ECPAS: variants seen among roughly 807,000 people sequenced by gnomAD.
ECPAS encodes Ecm29 proteasome adaptor and scaffold.
In ECPAS, 70 loss-of-function variants were observed where a neutral mutation model predicts 255.1. The observed-to-expected ratio is 0.27, with a 90% CI of 0.23 to 0.33. The LOEUF (loss-of-function observed/expected upper bound fraction) is 0.33, where lower values mean the gene tolerates loss of function less well. ECPAS is among the 10% of genes least tolerant of loss of function. ECPAS has a pLI of 1.00. For synonymous variants in ECPAS, 784 were observed against 775.0 expected (o/e 1.01, Z -0.19); for missense variants, 1,817 against 2,206.4 (o/e 0.82, Z 3.54).
chr9:111,435,749 G>A (rs1200764389), intron 7 of ECPAS, among the ~76,000 whole-genome samples: 3 of 147,912 alleles, frequency 2.0e-5, no homozygotes, highest in Admixed American at 6.9e-5. Flanking sequence ...GCACGATCTC[G>A]GCGCACTGCA....
chr9:111,432,624 T>C (rs968700656), intron 8 of ECPAS, among the ~76,000 whole-genome samples: 1 of 152,132 alleles, frequency 6.6e-6, no homozygotes, highest in African/African-American at 2.4e-5. Flanking sequence ...AAAAAATAAA[T>C]ATATAAATAA....
At position 111,371,867 on chromosome 9, in the gene ECPAS, G is replaced by T. The variant is rs41279059; in HGVS notation, c.4529-38C>A. ...AATTAAAACAACTTTTAAGTGACAA[G>T]AAAAATTAACTGATTTTTCTAAACC... On this transcript the variant is annotated intron_variant, in intron 42 of 49. Coordinates refer to ENST00000684092, the MANE Select transcript of ECPAS (RefSeq NM_001364929.1). 5.3e-4 allele frequency: 821 copies of T among 1,538,350 alleles called. 1 individual carries two copies. The highest frequency in any genetic ancestry group is 6.7e-4 in the Non-Finnish European group (751 of 1,121,864).
At chr9:111,449,948 T>C (rs2098258106) in intron 3 of ECPAS, among the ~76,000 whole-genome samples, 1 of 152,208 alleles carries the variant, frequency 6.6e-6, no homozygotes, top group South Asian at 2.1e-4. Context: ...CCTCTTGGCC[T>C]GGCTACTTCC....
In ECPAS at chr9:111,430,554, G is replaced by A. The variant is rs771416889; in HGVS notation, c.923C>T (p.Thr308Ile). 23 of 1,584,726 alleles carry A rather than the reference G, an allele frequency of 1.5e-5. No homozygotes were observed. Among genetic ancestry groups the A allele is most frequent in the Non-Finnish European group, 1.9e-5 (22 of 1,159,024 alleles). The change falls in exon 9 of 50, where the codon ACA (threonine) becomes ATA (isoleucine). Residue 308 changes from threonine (T) to isoleucine (I), a missense_variant. Around this residue, in one of 4 missense-constraint regions of ECPAS, gnomAD observed 573 missense variants for 716.2 expected, o/e 0.80. Coordinates refer to ENST00000684092, the MANE Select transcript of ECPAS (RefSeq NM_001364929.1). Reference sequence around the variant, plus strand: ...TAAATCAAAACAACCTACCTCTTTTGTCTTCAGTGGTATATCTCCAAGGTA... The same window carrying A: ...TAAATCAAAACAACCTACCTCTTTTATCTTCAGTGGTATATCTCCAAGGTA... Reference protein sequence around the residue: ...KVYLGDIPLKTKEGAVLKPEL... With the variant: ...KVYLGDIPLKIKEGAVLKPEL...
chr9:111,472,531 G>T (rs984471474), intron 2 of ECPAS, among the ~76,000 whole-genome samples: 2 of 151,486 alleles, frequency 1.3e-5, no homozygotes, highest in South Asian at 2.1e-4. Flanking sequence ...CCAGCTACTC[G>T]GTGGGGCTGA....
chr9:111,429,319 G>A (rs920922794), intron 9 of ECPAS, among the ~76,000 whole-genome samples: 1 of 151,660 alleles, frequency 6.6e-6, no homozygotes, highest in Non-Finnish European at 1.5e-5. Flanking sequence ...TAGTCATCTG[G>A]TGACATGGCT....
At chr9:111,381,840 C>G (rs1216219220) in intron 35 of ECPAS, among the ~76,000 whole-genome samples, 1 of 151,486 alleles carries the variant, frequency 6.6e-6, no homozygotes, top group African/African-American at 2.5e-5. Flanking sequence ...CAAGCTCACT[C>G]ACACATTGCA....
intron 17 of ECPAS, among the ~76,000 whole-genome samples, chr9:111,417,681 G>A (rs1397996065): frequency 2.6e-5 from 4 of 151,798 alleles, no homozygotes; most frequent in Admixed American, 6.6e-5. Flanking sequence ...AGGTAGTGGA[G>A]TTTGCAGTGA....
intron 27 of ECPAS, 82 bp from the exon 28 acceptor site, chr9:111,392,964 G>C (rs1321489465): frequency 1.3e-6 from 1 of 798,554 alleles, no homozygotes; most frequent in Non-Finnish European, 2.0e-6. Context: ...TTAAAGTTAT[G>C]TTGACACTGA....
In ECPAS at chr9:111,389,612, C is replaced by T. The variant is rs549292206; in HGVS notation, c.3391G>A (p.Gly1131Ser). Reference sequence around the variant, plus strand: ...ATACTTGTCATGGCCTGTCGAATGCCAAGGTTGGGATCAAACTGGTAACGA... The same window carrying T: ...ATACTTGTCATGGCCTGTCGAATGCTAAGGTTGGGATCAAACTGGTAACGA... The part of the protein sequence containing the change: ...LYRYQFDPNL[G>S]IRQAMTSIWN... Residue 1131 changes from glycine (G) to serine (S), a missense_variant, in exon 31 of 50, where the codon GGC (glycine) becomes AGC (serine). Around this residue, in one of 4 missense-constraint regions of ECPAS, gnomAD observed 960 missense variants for 1,179.0 expected, o/e 0.81. Transcript: ENST00000684092. The T allele has an allele frequency of 1.2e-5, 20 of 1,613,832 alleles. No homozygotes were observed. In the South Asian group the frequency reaches 1.9e-4, roughly 15 times the overall value.
chr9:111,430,844 A>T (rs999396735), intron 8 of ECPAS, among the ~76,000 whole-genome samples: 5 of 152,234 alleles, frequency 3.3e-5, no homozygotes, highest in African/African-American at 1.2e-4. Context: ...CACTTATCCC[A>T]CCCAGACTCA....
At chr9:111,404,554 T>C (rs2098181067) in intron 24 of ECPAS, among the ~76,000 whole-genome samples, 1 of 148,994 alleles carries the variant, frequency 6.7e-6, no homozygotes, top group African/African-American at 2.6e-5. Flanking sequence ...AGGGAGCGTG[T>C]AGCACCTCCC....
At chr9:111,424,450 A>G (rs1031481443) in intron 12 of ECPAS, among the ~76,000 whole-genome samples, 4 of 152,254 alleles carry the variant, frequency 2.6e-5, no homozygotes, top group Admixed American at 2.0e-4. Context: ...ATACTACTGC[A>G]AACATGCATT....
At chr9:111,387,706 G>A (rs1004887477) in intron 31 of ECPAS, among the ~76,000 whole-genome samples, 1 of 146,656 alleles carries the variant, frequency 6.8e-6, no homozygotes, top group Non-Finnish European at 1.5e-5. Flanking sequence ...CAGTTACTGA[G>A]AGACAGTGTC....
chr9:111,439,481 C>G (rs2098242813), intron 6 of ECPAS, among the ~76,000 whole-genome samples: 1 of 152,088 alleles, frequency 6.6e-6, no homozygotes, highest in Non-Finnish European at 1.5e-5. Context: ...GTTGCCCAGG[C>G]TGGTCTCAAA....
chr9:111,370,975 T>A (rs2098126591), intron 43 of ECPAS, among the ~76,000 whole-genome samples: 1 of 152,192 alleles, frequency 6.6e-6, no homozygotes, highest in Non-Finnish European at 1.5e-5. Flanking sequence ...CACCTCCATT[T>A]CATAGAAGCC....
intron 6 of ECPAS, 47 bp downstream of exon 6, chr9:111,440,325 G>C: frequency 6.6e-7 from 1 of 1,515,732 alleles, no homozygotes; most frequent in Non-Finnish European, 9.0e-7. Flanking sequence ...TTAACTCCCC[G>C]TAGTAAAAGC....
At chr9:111,472,640 CAAAAA>C (rs1311352345) in intron 2 of ECPAS, among the ~76,000 whole-genome samples, 1 of 84,676 alleles carries the variant, frequency 1.2e-5, no homozygotes, top group Non-Finnish European at 2.5e-5. Flanking sequence ...ACACTGTCTC[CAAAAA>C]AAAAAAAAAA....
At chr9:111,476,574 A>ATTTTTTTT (rs58723893) in intron 1 of ECPAS, among the ~76,000 whole-genome samples, 10 of 105,940 alleles carry the variant, frequency 9.4e-5, no homozygotes, top group Non-Finnish European at 1.6e-4. Flanking sequence ...TAACATCAGA[A>ATTTTTTTT]TTTTTTTTTT....
Sources: allele counts gnomAD v4.1 joint callset (sites outside exome capture counted in the v4.1 genomes callset), GRCh38; gene constraint gnomAD v4.1.1; regional missense constraint gnomAD v4.1.1; transcripts MANE v1.5; gene names NCBI Gene and HGNC (gene_info 2026-07-23, HGNC 2026-07-21).